SMARCC2: variants seen among roughly 807,000 people sequenced by gnomAD.
SMARCC2 encodes SWI/SNF related BAF chromatin remodeling complex subunit C2, also known as SWI/SNF complex subunit SMARCC2.
Under a neutral mutation model 151.3 loss-of-function variants are expected in SMARCC2, and 15 were observed. That is an observed-to-expected ratio of 0.10 (90% CI 0.07 to 0.15). The LOEUF is 0.15. Among genes scored for constraint, SMARCC2 ranks in the 10% least tolerant of loss-of-function variants. The pLI is 1.00. For missense variants in SMARCC2, 1,031 were observed against 1,599.7 expected, an observed-to-expected ratio of 0.64 and a Z score of 6.06; for synonymous variants, 590 against 609.5, an observed-to-expected ratio of 0.97 and a Z score of 0.47.
At chr12:56,184,019 C>A in intron 6 of SMARCC2, 89 bp from the exon 7 acceptor site, 1 of 1,110,146 alleles carries the variant, frequency 9.0e-7, no homozygotes, top group African/African-American at 1.5e-5. Flanking sequence ...ATGCACTCTC[C>A]TGTTGTAGCA....
chr12:56,188,373 A>C (rs766667628), intron 1 of SMARCC2, among the ~76,000 whole-genome samples: 2 of 152,204 alleles, frequency 1.3e-5, no homozygotes, highest in Non-Finnish European at 2.9e-5. Flanking sequence ...AGTTCTCCTA[A>C]GCCACTAAGC....
chr12:56,178,493 G>A lies in SMARCC2; in HGVS notation c.1221C>T (p.Thr407=), dbSNP rs777528640. Residue 407 remains threonine, a synonymous_variant, in exon 14 of 29, where the codon ACC becomes ACT. Coordinates refer to ENST00000550164, the MANE Select transcript of SMARCC2 (RefSeq NM_001330288.2). ...TGTCCTCATGCAGGTCTGGATTCTT[G>A]GTCTGCTCTCCCTTGTTCCCCGTAC... is the stretch of plus-strand genomic sequence containing the variant. ...ENSTGNKGEQ[T]KNPDLHEDNV... 6.2e-7 allele frequency: 1 copy of A among 1,614,146 alleles called. No homozygotes were observed. Among genetic ancestry groups the A allele is most frequent in the Admixed American group, 1.7e-5 (1 of 60,024 alleles).
In SMARCC2 at chr12:56,176,818, TTTTG is replaced by T. The variant is rs1161877477; in HGVS notation, c.1382+1200_1382+1203del. ...ACCACGCCCGGCTAATTTTTTTTGTTTTTGTTTTTTTGTTTTTTTTGAGACGGAG... is the reference window on the plus strand; with the variant it reads ...ACCACGCCCGGCTAATTTTTTTTGTTTTTTTTTGTTTTTTTTGAGACGGAG... On this transcript the variant is annotated intron_variant, in intron 15 of 28. Transcript: ENST00000550164. Among the ~76,000 whole-genome samples, 371 of 150,412 alleles carry T rather than the reference TTTTG, an allele frequency of 2.5e-3. 3 individuals are homozygous for T. The highest frequency in any genetic ancestry group is 8.7e-3 in the African/African-American group (356 of 40,866).
Position 56,182,082 on chromosome 12 carries a change from G to A in SMARCC2, c.633-3C>T. ...TCGCTGGGATCCACGTGTCGTAACT[G>A]CCATGGGAAATTGAGCACACAGTAG... On this transcript the variant is annotated splice_polypyrimidine_tract_variant and splice_region_variant and intron_variant, in intron 7 of 28. Coordinates refer to ENST00000550164, the MANE Select transcript of SMARCC2 (RefSeq NM_001330288.2). The A allele has an allele frequency of 6.2e-7, 1 of 1,608,446 alleles. No individual in the cohort carries two copies. The highest frequency in any genetic ancestry group is 1.7e-5 in the Admixed American group (1 of 59,536).
intron 16 of SMARCC2, 80 bp downstream of exon 16, chr12:56,174,571 C>T (rs1006186301): frequency 1.1e-6 from 1 of 873,694 alleles, no homozygotes; most frequent in Non-Finnish European, 1.9e-6. Flanking sequence ...GTGTTCCTTG[C>T]TGGCATCTCT....
chr12:56,173,674 T>C, intron 17 of SMARCC2, 22 bp downstream of exon 17: 4 of 1,278,804 alleles, frequency 3.1e-6, no homozygotes, highest in Non-Finnish European at 4.4e-6. Flanking sequence ...ACCCGCCCCA[T>C]CCCCATAGCA....
At position 56,186,202 on chromosome 12, in the gene SMARCC2, C is replaced by T. The variant is rs1877207010; in HGVS notation, c.270G>A (p.Leu90=). The T allele has an allele frequency of 6.2e-7, 1 of 1,613,322 alleles. No homozygotes were observed. The highest frequency in any genetic ancestry group is 8.5e-7 in the Non-Finnish European group (1 of 1,179,222). Residue 90 remains leucine (L), a synonymous_variant, in exon 3 of 29, where the codon TTG becomes TTA. Transcript: ENST00000550164. ...TGTAGGCAGCTGCAAGAATGTGGCA[C>T]AAGGAGCCTCCCGCTTTGAAATCTA... The part of the protein sequence containing the change: ...CFLDFKAGGS[L]CHILAAAYKF...
chr12:56,170,340 G>T, intron 22 of SMARCC2, 132 bp from the exon 23 acceptor site: 1 of 756,976 alleles, frequency 1.3e-6, no homozygotes, highest in Non-Finnish European at 2.2e-6. Flanking sequence ...CTGGGCCCAC[G>T]CAATCCTCCC....
chr12:56,185,205 G>C (rs1876994416), intron 3 of SMARCC2, 94 bp from the exon 4 acceptor site: 1 of 940,024 alleles, frequency 1.1e-6, no homozygotes, highest in African/African-American at 1.6e-5. Context: ...TTGAGATGGA[G>C]TCTTGCTCTG....
chr12:56,171,286 C>T lies in SMARCC2; in HGVS notation c.2332G>A (p.Glu778Lys), dbSNP rs1234258420. Residue 778 changes from glutamate to lysine, a missense_variant, in exon 22 of 29, where the codon GAG (glutamate) becomes AAG (lysine). Physicochemically the swap from Glu to Lys is moderately conservative, Grantham distance 56. Transcript: ENST00000550164. This position sits in a 1 kb window ranked among gnomAD's most constrained non-coding sequence, Gnocchi z 4.2. ...SSGIAGTTSD[E>K]PERIEESGND... Reference sequence around the variant, plus strand: ...CTGGCCTTACCAATCCGCTCAGGCTCATCAGAGGTGGTTCCTGCAATGCCA... The same window carrying T: ...CTGGCCTTACCAATCCGCTCAGGCTTATCAGAGGTGGTTCCTGCAATGCCA... The T allele has an allele frequency of 6.2e-7, 1 of 1,614,234 alleles. No individual in the cohort carries two copies. Among genetic ancestry groups the T allele is most frequent in the Non-Finnish European group, 8.5e-7 (1 of 1,180,044 alleles).
chr12:56,172,838 C>T, intron 18 of SMARCC2, 99 bp downstream of exon 18: 3 of 1,559,340 alleles, frequency 1.9e-6, no homozygotes, highest in East Asian at 4.5e-5. Flanking sequence ...TCCTCCCTTA[C>T]TGCTGTAGTT....
At chr12:56,168,226 T>G (rs1238653020) in intron 25 of SMARCC2, 32 bp from the exon 26 acceptor site, 1 of 1,613,316 alleles carries the variant, frequency 6.2e-7, no homozygotes, top group African/African-American at 1.3e-5. Flanking sequence ...AGCACATCAG[T>G]GGGAGGACCC....
Position 56,171,651 on chromosome 12 carries a change from G to A in SMARCC2, c.2185+28C>T. On this transcript the variant is annotated intron_variant, in intron 21 of 28. Coordinates refer to ENST00000550164, the MANE Select transcript of SMARCC2 (RefSeq NM_001330288.2). This position sits in a 1 kb window ranked among gnomAD's most constrained non-coding sequence, Gnocchi z 4.2. ...AGCCCTTCAAAAGCAAACTAAGAAG[G>A]CCAGGTGGAACCACCCACCCCCATT... 2.0e-6 allele frequency: 3 copies of A among 1,525,408 alleles called. No homozygotes were observed. The highest frequency in any genetic ancestry group is 1.8e-6 in the Non-Finnish European group (2 of 1,139,184). The allele number at this position is 1,525,408 out of a possible 1,614,324, so 94.5% of individuals were successfully genotyped here.
chr12:56,174,534 G>A, intron 16 of SMARCC2, 117 bp downstream of exon 16: 1 of 683,964 alleles, frequency 1.5e-6, no homozygotes, highest in Admixed American at 2.5e-5. Context: ...CCTTTCTCTA[G>A]AGGTGCTTTT....
intron 22 of SMARCC2, among the ~76,000 whole-genome samples, chr12:56,170,466 C>T (rs1873726121): frequency 6.6e-6 from 1 of 152,018 alleles, no homozygotes; most frequent in African/African-American, 2.4e-5. Context: ...ACTCTTGTCG[C>T]CCAGGCTGGA....
At chr12:56,183,740 G>A (rs1876702650) in intron 7 of SMARCC2, 121 bp downstream of exon 7, 2 of 647,422 alleles carry the variant, frequency 3.1e-6, no homozygotes, top group Non-Finnish European at 2.7e-6. Flanking sequence ...CTAGGTGAGA[G>A]GAAAACAAAT....
At chr12:56,188,220 AAAAGGTC>A (rs1352997234) in intron 1 of SMARCC2, among the ~76,000 whole-genome samples, 1 of 152,212 alleles carries the variant, frequency 6.6e-6, no homozygotes, top group Non-Finnish European at 1.5e-5. Context: ...ATCTCCCTGC[AAAAGGTC>A]AAAGGTAGAA....
intron 7 of SMARCC2, 130 bp from the exon 8 acceptor site, chr12:56,182,209 C>T (rs1876357563): frequency 3.3e-6 from 2 of 601,512 alleles, no homozygotes; most frequent in Non-Finnish European, 2.9e-6. Context: ...GTATTCTATT[C>T]ATTATAAAGT....
chr12:56,178,890 G>T, intron 12 of SMARCC2, 43 bp from the exon 13 acceptor site: 1 of 1,609,192 alleles, frequency 6.2e-7, no homozygotes, highest in Non-Finnish European at 8.5e-7. Flanking sequence ...GCCTCCTGAG[G>T]GGCAAGAAAG....
Sources: gnomAD v4.1 joint callset for allele counts (sites outside exome capture counted in the v4.1 genomes callset) on GRCh38, gnomAD v4.1.1 for gene constraint, Gnocchi (gnomAD v3.1) non-coding constraint, MANE v1.5 for transcripts, NCBI Gene and HGNC (gene_info 2026-07-23, HGNC 2026-07-21) for gene names.